PKN2: variants seen among roughly 807,000 people sequenced by gnomAD.
PKN2 encodes serine/threonine-protein kinase N2.
A neutral mutation model predicts 119.1 loss-of-function variants in PKN2; 38 were observed. The ratio of observed to expected loss-of-function variants is 0.32; its 90% confidence interval spans 0.25 to 0.42. The LOEUF is 0.42. Ranked by LOEUF, PKN2 falls within the 10% of genes least tolerant of loss-of-function variation. The pLI, the probability that PKN2 is intolerant of heterozygous loss-of-function variation, is 1.00. For synonymous variants in PKN2, 390 were observed against 384.9 expected, an observed-to-expected ratio of 1.01 and a Z score of -0.15; for missense variants, 850 against 1,165.1, an observed-to-expected ratio of 0.73 and a Z score of 3.94.
chr1:88,710,077 C>G (rs1667166219), intron 1 of PKN2, among the ~76,000 whole-genome samples: 1 of 152,200 alleles, frequency 6.6e-6, no homozygotes, highest in African/African-American at 2.4e-5. Context: ...AATCAATAGA[C>G]TACCTCAAGT....
At chr1:88,714,785 C>T (rs1159785933) in intron 1 of PKN2, among the ~76,000 whole-genome samples, 2 of 152,054 alleles carry the variant, frequency 1.3e-5, no homozygotes, top group Admixed American at 6.5e-5. Flanking sequence ...GCCTGATTGC[C>T]CTGGCCAGAA....
chr1:88,733,740 A>G (rs1488886592), intron 1 of PKN2, among the ~76,000 whole-genome samples: 1 of 152,216 alleles, frequency 6.6e-6, no homozygotes, highest in East Asian at 1.9e-4. Context: ...GCTTACAACC[A>G]GAGTGTTTTG....
intron 1 of PKN2, among the ~76,000 whole-genome samples, chr1:88,727,172 G>A (rs79746043): frequency 0.041 from 5,921 of 145,170 alleles, 248 homozygotes; most frequent in African/African-American, 0.11. Context: ...TTTTAATGAC[G>A]CTCTTTTTTT....
At chr1:88,797,752 A>G (rs1671148794) in intron 8 of PKN2, among the ~76,000 whole-genome samples, 1 of 152,088 alleles carries the variant, frequency 6.6e-6, no homozygotes, top group African/African-American at 2.4e-5. Context: ...TCACTGCTCT[A>G]CAACATAGTG....
rs147054389 is a variant in PKN2 at position 88,816,361 on chromosome 1, C to T, written c.2279+2628C>T. On this transcript the variant is annotated intron_variant, in intron 16 of 21. Coordinates refer to ENST00000370521, the MANE Select transcript of PKN2 (RefSeq NM_006256.4). ...ACACAGGTTCAAGAGATTATCCTGC[C>T]TCAGCCTCCCAAATAGCTGGGACTA... Among the ~76,000 whole-genome samples, 768 of 152,082 alleles carry T rather than the reference C, an allele frequency of 5.0e-3. 3 individuals carry two copies. The highest frequency in any genetic ancestry group is 0.017 in the African/African-American group (723 of 41,488).
At chr1:88,726,869 A>G (rs1349008002) in intron 1 of PKN2, among the ~76,000 whole-genome samples, 2 of 152,072 alleles carry the variant, frequency 1.3e-5, no homozygotes, top group Non-Finnish European at 2.9e-5. Context: ...GCTGTGGTCT[A>G]TCATGGTGAG....
Position 88,771,547 on chromosome 1 carries a change from A to T in PKN2, c.749A>T (p.Asp250Val). ...MKLLGSGKVT[D>V]RKALSEAQAR... ...TTACTTGGCTCAGGAAAAGTAACAG[A>T]CAGAAAAGCACTTTCAGAAGTAATT... Residue 250 changes from aspartate to valine, a missense_variant, in exon 5 of 22, where the codon GAC becomes GTC. Asp to Val is a radical substitution (Grantham distance 152, BLOSUM62 -3). Transcript: ENST00000370521. 1 of 1,591,840 alleles carries T rather than the reference A, an allele frequency of 6.3e-7. No individual in the cohort carries two copies. The highest frequency in any genetic ancestry group is 1.2e-5 in the South Asian group (1 of 85,044).
intron 3 of PKN2, among the ~76,000 whole-genome samples, chr1:88,766,538 T>A (rs780116666): frequency 1.1e-4 from 17 of 152,336 alleles, no homozygotes; most frequent in Non-Finnish European, 2.4e-4. Context: ...TTACCAGCAT[T>A]ATAGAGTGCC....
chr1:88,770,497 A>T (rs780130974), intron 4 of PKN2, 28 bp downstream of exon 4: 1 of 1,146,996 alleles, frequency 8.7e-7, no homozygotes, highest in Non-Finnish European at 1.3e-6. Context: ...CCTCCTTCTT[A>T]TGAGCATAAT....
At position 88,769,527 on chromosome 1, in the gene PKN2, T is replaced by C. The variant is rs77563180; in HGVS notation, c.505-825T>C. 4.5e-3 allele frequency among the ~76,000 whole-genome samples: 683 copies of C among 152,342 alleles called. 2 individuals carry two copies. Among genetic ancestry groups the C allele is most frequent in the African/African-American group, 0.015 (641 of 41,576 alleles). On this transcript the variant is annotated intron_variant, in intron 3 of 21. Transcript: ENST00000370521. The stretch of plus-strand genomic sequence containing the variant: ...CAAATGTGAATTTGGATTTTGATTT[T>C]CTAAAAGATAGTAATAAGATTCAAA...
At chr1:88,832,685 G>T in intron 19 of PKN2, 59 bp from the exon 20 acceptor site, 2 of 865,618 alleles carry the variant, frequency 2.3e-6, no homozygotes, top group Non-Finnish European at 3.7e-6. Flanking sequence ...CTTTGAATGG[G>T]TGATAAGATT....
Position 88,834,691 on chromosome 1 carries a change from A to C in PKN2, c.*1243A>C, listed in dbSNP as rs1455011447. 2 of 152,326 alleles carry C rather than the reference A, an allele frequency of 1.3e-5. No individual in the cohort carries two copies. Among genetic ancestry groups the C allele is most frequent in the Non-Finnish European group, 2.9e-5 (2 of 67,960 alleles). 9.4% of individuals were successfully genotyped at this position (152,326 alleles called of 1,614,324 possible). ...ACTAAAGCTGTACCTCAAAAGTCTC[A>C]AAAATAATTTGATGAAATATTTTAT... On this transcript the variant is annotated 3_prime_UTR_variant, in exon 22 of 22. Transcript: ENST00000370521.
intron 16 of PKN2, among the ~76,000 whole-genome samples, chr1:88,819,104 C>T (rs1672138353): frequency 6.6e-6 from 1 of 152,186 alleles, no homozygotes; most frequent in African/African-American, 2.4e-5. Flanking sequence ...CAGTACCATT[C>T]AGGACACAGG....
At chr1:88,748,608 G>T (rs912989129) in intron 2 of PKN2, among the ~76,000 whole-genome samples, 2 of 152,118 alleles carry the variant, frequency 1.3e-5, no homozygotes, top group African/African-American at 4.8e-5. Context: ...GAAGAGTAGG[G>T]TTGCTGAGTC....
intron 1 of PKN2, among the ~76,000 whole-genome samples, chr1:88,725,811 T>C (rs1667876221): frequency 6.6e-6 from 1 of 152,200 alleles, no homozygotes. Flanking sequence ...TAACCCCAGG[T>C]TATGATTTTC....
chr1:88,833,658 A>G lies in PKN2; in HGVS notation c.*210A>G, dbSNP rs552793262. On this transcript the variant is annotated 3_prime_UTR_variant, in exon 22 of 22. Transcript: ENST00000370521. The stretch of plus-strand genomic sequence containing the variant: ...ACTTCAGCGTAAATATGAGCACTGG[A>G]AACAGTTTCATGGAGTTTAAGTTGA... 10 of 524,944 alleles carry G rather than the reference A, an allele frequency of 1.9e-5. No homozygotes were observed. In the East Asian group the frequency reaches 2.8e-4, roughly 15 times the overall value. The allele number at this position is 524,944 out of a possible 1,614,324, so 32.5% of individuals were successfully genotyped here.
At chr1:88,810,257 A>C (rs1671728224) in intron 15 of PKN2, among the ~76,000 whole-genome samples, 1 of 151,540 alleles carries the variant, frequency 6.6e-6, no homozygotes, top group Admixed American at 6.6e-5. Context: ...AGTAGCTGGG[A>C]TTACAGGCTT....
At chr1:88,818,092 G>T (rs1672087430) in intron 16 of PKN2, among the ~76,000 whole-genome samples, 1 of 152,084 alleles carries the variant, frequency 6.6e-6, no homozygotes, top group South Asian at 2.1e-4. Flanking sequence ...ACTGAATCAT[G>T]AATTAACTCC....
chr1:88,803,226 C>T lies in PKN2; in HGVS notation c.1282-1165C>T, dbSNP rs115393137. Among the ~76,000 whole-genome samples, 450 of 152,182 alleles carry T rather than the reference C, an allele frequency of 3.0e-3. 4 individuals carry two copies. The highest frequency in any genetic ancestry group is 0.01 in the African/African-American group (428 of 41,512). ...ATTCTTTTCCTGTTTGACTGTGAAA[C>T]CCTCTGGCACATTGTATTTTGATTC... On this transcript the variant is annotated intron_variant, in intron 8 of 21. Transcript: ENST00000370521.
Sources: gnomAD v4.1 joint callset for allele counts (sites outside exome capture counted in the v4.1 genomes callset) on GRCh38, gnomAD v4.1.1 for gene constraint, MANE v1.5 for transcripts, NCBI Gene and HGNC (gene_info 2026-07-23, HGNC 2026-07-21) for gene names.